ESR1: variants seen among roughly 807,000 people sequenced by gnomAD.
ESR1 encodes estrogen receptor.
Under a neutral mutation model 52.7 loss-of-function variants are expected in ESR1, and 12 were observed. The ratio of observed to expected loss-of-function variants is 0.23; its 90% CI spans 0.15 to 0.37. The LOEUF (loss-of-function observed/expected upper bound fraction) is 0.37. Ranked by LOEUF, ESR1 falls within the 10% of genes least tolerant of loss-of-function variation. The pLI, the probability that ESR1 is intolerant of heterozygous loss-of-function variation, is 1.00. For missense variants in ESR1, 584 were observed against 779.7 expected (o/e 0.75, Z 2.99); for synonymous variants, 305 against 316.8 (o/e 0.96, Z 0.39).
chr6:151,705,968 C>T (rs990849809), intron 2 of ESR1, among the ~76,000 whole-genome samples: 1 of 152,160 alleles, frequency 6.6e-6, no homozygotes, highest in Non-Finnish European at 1.5e-5. Flanking sequence ...TTCTATGTGT[C>T]ATATTGTTGG....
chr6:152,024,513 G>T (rs1333840005), intron 5 of ESR1, among the ~76,000 whole-genome samples: 1 of 151,282 alleles, frequency 6.6e-6, no homozygotes, highest in Admixed American at 6.6e-5. Flanking sequence ...AAGACCAAGG[G>T]GTGCCTTTTC....
chr6:151,728,896 G>T (rs1782037015), intron 2 of ESR1, among the ~76,000 whole-genome samples: 1 of 152,190 alleles, frequency 6.6e-6, no homozygotes, highest in African/African-American at 2.4e-5. Context: ...TACAGGATTT[G>T]ATCTAGAAAA....
intron 5 of ESR1, among the ~76,000 whole-genome samples, chr6:152,015,011 G>A (rs569759378): frequency 6.6e-6 from 1 of 152,234 alleles, no homozygotes; most frequent in Non-Finnish European, 1.5e-5. Context: ...ACGTTGCAGT[G>A]AGCCAAAATT....
intron 1 of ESR1, among the ~76,000 whole-genome samples, chr6:151,691,355 A>G (rs978513205): frequency 1.3e-5 from 2 of 152,214 alleles, no homozygotes; most frequent in Non-Finnish European, 1.5e-5. Context: ...ATGATGTGGC[A>G]GTCACAAGAC....
chr6:151,711,224 C>CTT (rs772347500), intron 2 of ESR1, among the ~76,000 whole-genome samples: 11 of 142,382 alleles, frequency 7.7e-5, no homozygotes, highest in East Asian at 2.0e-4. Context: ...TGTTTCCTGA[C>CTT]TTTTTTTTTT....
intron 5 of ESR1, among the ~76,000 whole-genome samples, chr6:152,048,001 C>T (rs1490603347): frequency 2.3e-5 from 3 of 130,254 alleles, no homozygotes; most frequent in Non-Finnish European, 4.7e-5. Context: ...AAGACCCAAA[C>T]GCATGTCTCT....
intron 2 of ESR1, among the ~76,000 whole-genome samples, chr6:151,859,478 C>T (rs1055076599): frequency 6.6e-6 from 1 of 152,114 alleles, no homozygotes; most frequent in South Asian, 2.1e-4. Flanking sequence ...GGTTTACTTG[C>T]GTGTCTTGGC....
At chr6:151,817,550 A>C (rs1779861103) in intron 1 of ESR1, among the ~76,000 whole-genome samples, 1 of 152,204 alleles carries the variant, frequency 6.6e-6, no homozygotes, top group Non-Finnish European at 1.5e-5. Context: ...GAGAAAGATC[A>C]CAGTAGCTTT....
At chr6:151,688,947 T>C (rs1038960042), upstream of ESR1, among the ~76,000 whole-genome samples, 3 of 152,344 alleles carry the variant, frequency 2.0e-5, no homozygotes, top group Admixed American at 2.0e-4. Flanking sequence ...CATATTGGAA[T>C]GCAAACGAAT....
At position 151,807,693 on chromosome 6, in the gene ESR1, G is replaced by A. The variant is rs1562423526; in HGVS notation, c.-220G>A. On this transcript the variant is annotated 5_prime_UTR_variant, in exon 1 of 8. Coordinates refer to ENST00000206249, the MANE Select transcript of ESR1 (RefSeq NM_000125.4). ...CCCGGGAGCCCAGGAGCTGGCGGAG[G>A]GCGTTCGTCCTGGGACTGCACTTGC... is the stretch of plus-strand genomic sequence containing the variant. The A allele has an allele frequency of 3.3e-6, 2 of 611,446 alleles. No homozygotes were observed. Among genetic ancestry groups the A allele is most frequent in the South Asian group, 1.9e-5 (1 of 52,528 alleles). 37.9% of individuals were successfully genotyped at this position (611,446 alleles called of 1,614,324 possible).
intron 1 of ESR1, among the ~76,000 whole-genome samples, chr6:151,841,323 T>C (rs1332367702): frequency 6.6e-6 from 1 of 152,206 alleles, no homozygotes; most frequent in Non-Finnish European, 1.5e-5. Flanking sequence ...ATGCCTTCCC[T>C]CATTTTCATC....
At chr6:151,934,791 G>A (rs1249604535) in intron 3 of ESR1, among the ~76,000 whole-genome samples, 2 of 152,194 alleles carry the variant, frequency 1.3e-5, no homozygotes, top group Non-Finnish European at 2.9e-5. Flanking sequence ...TGTGCAATTT[G>A]TAATCTCTAA....
At chr6:152,048,097 G>T (rs897663579) in intron 5 of ESR1, among the ~76,000 whole-genome samples, 3 of 151,560 alleles carry the variant, frequency 2.0e-5, no homozygotes, top group South Asian at 4.1e-4. Flanking sequence ...TCGGCCTGGC[G>T]CGGTGGCTCA....
In ESR1 at chr6:151,777,779, G is replaced by C. The variant is rs144264266; in HGVS notation, c.-70-30064G>C. Among the ~76,000 whole-genome samples the C allele has an allele frequency of 8.6e-3, 1,306 of 152,130 alleles. 14 individuals carry two copies. Among genetic ancestry groups the C allele is most frequent in the Middle Eastern group, 0.017 (5 of 294 alleles). On this transcript the variant is annotated intron_variant, in intron 2 of 2. Coordinates refer to the ESR1 transcript ENST00000404742. The stretch of plus-strand genomic sequence containing the variant: ...GTTCGAGACCAGCGTGGCCAACATG[G>C]GGAAATCCCAACCCTACTAAAAATA...
At chr6:151,983,845 C>A (rs2040211401) in intron 4 of ESR1, 1 of 152,082 alleles carries the variant, frequency 6.6e-6, no homozygotes, top group Admixed American at 6.5e-5. Flanking sequence ...GTCCTTGAGA[C>A]AAATAGAAAA....
intron 6 of ESR1, among the ~76,000 whole-genome samples, chr6:152,116,641 G>A (rs1324820648): frequency 2.6e-5 from 4 of 151,896 alleles, no homozygotes; most frequent in African/African-American, 7.3e-5. Context: ...CACATACACA[G>A]CGAGAAAGAA....
At chr6:151,875,144 CA>C (rs1319137546) in intron 2 of ESR1, among the ~76,000 whole-genome samples, 7 of 152,190 alleles carry the variant, frequency 4.6e-5, no homozygotes, top group African/African-American at 7.2e-5. Context: ...AATTCATGAG[CA>C]ATGCGTGGCT....
At chr6:151,875,582 C>T (rs917586175) in intron 2 of ESR1, among the ~76,000 whole-genome samples, 49 of 152,110 alleles carry the variant, frequency 3.2e-4, no homozygotes, top group African/African-American at 1.2e-3. Flanking sequence ...TAAAACCCAA[C>T]ATAGTAAGTC....
intron 1 of ESR1, among the ~76,000 whole-genome samples, chr6:151,681,223 T>A (rs1778447250): frequency 1.3e-5 from 2 of 152,202 alleles, no homozygotes; most frequent in South Asian, 4.1e-4. Context: ...TGTGAATGAT[T>A]CTTAATTATA....
Sources: allele counts gnomAD v4.1 joint callset (sites outside exome capture counted in the v4.1 genomes callset), GRCh38; gene constraint gnomAD v4.1.1; transcripts MANE v1.5; gene names NCBI Gene and HGNC (gene_info 2026-07-23, HGNC 2026-07-21).